GLCCI1: variants seen among roughly 807,000 people sequenced by gnomAD.
The protein encoded by GLCCI1 is glucocorticoid-induced transcript 1 protein.
GLCCI1 carries 24 observed loss-of-function variants against 52.2 expected under a neutral mutation model. That is an observed-to-expected ratio of 0.46 (90% confidence interval 0.33 to 0.65). The LOEUF (loss-of-function observed/expected upper bound fraction) is 0.65, where lower values mean the gene tolerates loss of function less well. GLCCI1 is among the 30% of genes least tolerant of loss of function. The pLI, the probability that GLCCI1 is intolerant of heterozygous loss-of-function variation, is 0.02. For synonymous variants in GLCCI1, 310 were observed against 276.5 expected (o/e 1.12, Z -1.20); for missense variants, 704 against 701.5 (o/e 1.00, Z -0.04).
intron 3 of GLCCI1, among the ~76,000 whole-genome samples, chr7:8,038,701 T>G (rs912963280): frequency 6.6e-6 from 1 of 152,118 alleles, no homozygotes; most frequent in African/African-American, 2.4e-5. Context: ...AACTTGAACA[T>G]TGGCCTAAGC....
At chr7:7,976,964 G>A (rs1780485981) in intron 1 of GLCCI1, among the ~76,000 whole-genome samples, 1 of 151,504 alleles carries the variant, frequency 6.6e-6, no homozygotes, top group African/African-American at 2.4e-5. Flanking sequence ...CCATCTAGAT[G>A]TGTTTCGTAA....
intron 1 of GLCCI1, among the ~76,000 whole-genome samples, chr7:8,000,141 C>T (rs759170691): frequency 4.6e-5 from 7 of 152,228 alleles, no homozygotes; most frequent in African/African-American, 1.2e-4. Context: ...TGATAAATGT[C>T]GGCTTTGCCT....
At chr7:8,061,077 A>G (rs1040627271) in intron 5 of GLCCI1, among the ~76,000 whole-genome samples, 3 of 151,348 alleles carry the variant, frequency 2.0e-5, no homozygotes, top group Non-Finnish European at 4.4e-5. Context: ...GAAGATGTTA[A>G]GCATCTTTTC....
chr7:8,088,218 A>G lies in GLCCI1; in HGVS notation c.*1680A>G, dbSNP rs1267910316. 7.1e-6 allele frequency: 1 copy of G among 140,686 alleles called. No individual in the cohort carries two copies. The highest frequency in any genetic ancestry group is 2.7e-5 in the African/African-American group (1 of 36,598). 8.7% of individuals were successfully genotyped at this position (140,686 alleles called of 1,614,324 possible). A position where few individuals can be genotyped will look rare whatever the true frequency, so the allele number is the denominator to read the frequency against. ...ACACCATTGATTTTTTTTTTTAAGA[A>G]ATGATATATATATGTATATGTTTGT... is the stretch of plus-strand genomic sequence containing the variant. On this transcript the variant is annotated 3_prime_UTR_variant, in exon 8 of 8. Coordinates refer to ENST00000223145, the MANE Select transcript of GLCCI1 (RefSeq NM_138426.4).
At chr7:7,983,727 A>G (rs1270118616) in intron 1 of GLCCI1, among the ~76,000 whole-genome samples, 1 of 152,236 alleles carries the variant, frequency 6.6e-6, no homozygotes, top group Non-Finnish European at 1.5e-5. Context: ...AGTCCTGTGA[A>G]TATCTGACAA....
intron 3 of GLCCI1, among the ~76,000 whole-genome samples, chr7:8,049,216 G>T (rs992046572): frequency 1.3e-5 from 2 of 152,016 alleles, no homozygotes; most frequent in Non-Finnish European, 2.9e-5. Flanking sequence ...GAGTATTATT[G>T]ATAGGGTCTC....
intron 5 of GLCCI1, among the ~76,000 whole-genome samples, chr7:8,065,275 G>T (rs1023269956): frequency 2.6e-5 from 4 of 152,198 alleles, no homozygotes; most frequent in African/African-American, 9.7e-5. Context: ...CTTTGCTGAA[G>T]TTGTTTATCA....
At chr7:8,000,510 A>G (rs1781031313) in intron 1 of GLCCI1, among the ~76,000 whole-genome samples, 1 of 152,210 alleles carries the variant, frequency 6.6e-6, no homozygotes, top group Admixed American at 6.5e-5. Flanking sequence ...CAAATTTCTT[A>G]TAACAATAAA....
In GLCCI1 at chr7:8,049,528, C is replaced by T. The variant is rs1782210564; in HGVS notation, c.697-5905C>T. On this transcript the variant is annotated intron_variant, in intron 3 of 7. Transcript: ENST00000223145. ...ATATGTTTTATAATGCTTTCATTAT[C>T]TTTTAAAAACCAGACCCAATAGGAA... Among the ~76,000 whole-genome samples, 3 of 152,194 alleles carry T rather than the reference C, an allele frequency of 2.0e-5. No homozygotes were observed. In the South Asian group the frequency reaches 6.2e-4, roughly 32 times the overall value.
chr7:8,035,297 T>TC (rs1781841068), intron 3 of GLCCI1, among the ~76,000 whole-genome samples: 1 of 152,190 alleles, frequency 6.6e-6, no homozygotes, highest in Admixed American at 6.5e-5. Flanking sequence ...TGTGCTTGGC[T>TC]CTTCAAGGGA....
intron 3 of GLCCI1, among the ~76,000 whole-genome samples, chr7:8,053,323 T>TTTTTTG (rs1554262340): frequency 7.3e-6 from 1 of 136,146 alleles, no homozygotes; most frequent in South Asian, 2.3e-4. Flanking sequence ...TCGTTTTTTT[T>TTTTTTG]TTTGTTTGTT....
intron 1 of GLCCI1, among the ~76,000 whole-genome samples, chr7:7,975,306 T>C (rs901778007): frequency 6.6e-6 from 1 of 152,228 alleles, no homozygotes; most frequent in Non-Finnish European, 1.5e-5. Context: ...AGCAGTGTTG[T>C]TTATTCCAAG....
Position 7,969,333 on chromosome 7 carries a change from A to G in GLCCI1, c.-18A>G. The G allele has an allele frequency of 1.2e-5, 17 of 1,422,762 alleles. No homozygotes were observed. Among genetic ancestry groups the G allele is most frequent in the Non-Finnish European group, 1.6e-5 (17 of 1,082,450 alleles). 88.1% of individuals were successfully genotyped at this position (1,422,762 alleles called of 1,614,324 possible). A position where few individuals can be genotyped will look rare whatever the true frequency, so the allele number is the denominator to read the frequency against. On this transcript the variant is annotated 5_prime_UTR_variant, in exon 1 of 8. Transcript: ENST00000223145. This position sits in a 1 kb window ranked among gnomAD's most constrained non-coding sequence, Gnocchi z 4.9. ...GCCTCCGTGTCGGCCGGCGGCGTCC[A>G]GGGCCCGCAGAGCCACCATGTCCAC...
chr7:8,049,223 T>A (rs908284150), intron 3 of GLCCI1, among the ~76,000 whole-genome samples: 5 of 152,062 alleles, frequency 3.3e-5, no homozygotes, highest in Non-Finnish European at 1.5e-5. Context: ...ATTGATAGGG[T>A]CTCCTTTTTA....
chr7:8,049,756 T>G (rs1782216089), intron 3 of GLCCI1, among the ~76,000 whole-genome samples: 1 of 152,206 alleles, frequency 6.6e-6, no homozygotes, highest in Admixed American at 6.5e-5. Flanking sequence ...TGGTAGTTAT[T>G]TACAGTTGAA....
intron 1 of GLCCI1, among the ~76,000 whole-genome samples, chr7:7,995,625 A>G (rs1009628937): frequency 1.3e-5 from 2 of 152,242 alleles, no homozygotes; most frequent in Admixed American, 6.5e-5. Context: ...GCTGGAAACC[A>G]TCATTCTCGG....
chr7:8,024,210 C>G (rs913834654), intron 3 of GLCCI1, among the ~76,000 whole-genome samples: 3 of 151,932 alleles, frequency 2.0e-5, no homozygotes, highest in Non-Finnish European at 2.9e-5. Flanking sequence ...ACTGTGGTGT[C>G]TGGACTGCAT....
At chr7:8,046,319 C>T (rs1782126343) in intron 3 of GLCCI1, among the ~76,000 whole-genome samples, 1 of 152,194 alleles carries the variant, frequency 6.6e-6, no homozygotes, top group African/African-American at 2.4e-5. Flanking sequence ...GGACTCCCTC[C>T]TCTCGTCCAG....
At chr7:8,022,194 T>C (rs898761798) in intron 2 of GLCCI1, among the ~76,000 whole-genome samples, 5 of 152,190 alleles carry the variant, frequency 3.3e-5, no homozygotes, top group Non-Finnish European at 5.9e-5. Flanking sequence ...CCAATACACA[T>C]ATCTTTACTA....
Sources: gnomAD v4.1 joint callset for allele counts (sites outside exome capture counted in the v4.1 genomes callset) on GRCh38, gnomAD v4.1.1 for gene constraint, Gnocchi (gnomAD v3.1) non-coding constraint, MANE v1.5 for transcripts, NCBI Gene and HGNC (gene_info 2026-07-23, HGNC 2026-07-21) for gene names.